Variants in NR2C2 observed in about 807,000 individuals in gnomAD.
NR2C2 encodes the protein Nuclear hormone receptor TR4.
A neutral mutation model predicts 62.9 loss-of-function variants in NR2C2; 6 were observed. That is an observed-to-expected ratio of 0.10 (90% CI 0.05 to 0.19). The LOEUF (loss-of-function observed/expected upper bound fraction) is 0.19. Ranked by LOEUF, NR2C2 falls within the 10% of genes least tolerant of loss-of-function variation. The pLI is 1.00. For synonymous variants in NR2C2, 272 were observed against 273.8 expected, an observed-to-expected ratio of 0.99 and a Z score of 0.07; for missense variants, 479 against 762.7, an observed-to-expected ratio of 0.63 and a Z score of 4.38.
intron 9 of NR2C2, among the ~76,000 whole-genome samples, chr3:15,030,785 G>A (rs1178898842): frequency 6.6e-6 from 1 of 152,144 alleles, no homozygotes; most frequent in African/African-American, 2.4e-5. Context: ...CCAAGATCAT[G>A]CCACTGCACT....
At chr3:15,009,568 T>TA (rs1271309504) in intron 2 of NR2C2, among the ~76,000 whole-genome samples, 1 of 152,200 alleles carries the variant, frequency 6.6e-6, no homozygotes, top group Non-Finnish European at 1.5e-5. Flanking sequence ...TTGAGGGCCT[T>TA]AAAAATCACA....
chr3:15,033,648 T>TTTC (rs1427017863), intron 10 of NR2C2, among the ~76,000 whole-genome samples: 1 of 149,444 alleles, frequency 6.7e-6, no homozygotes, highest in Non-Finnish European at 1.5e-5. Context: ...GCTTTTTTTT[T>TTTC]TTTTTTTTTT....
At chr3:15,038,449 T>G (rs2042163435) in intron 12 of NR2C2, 1 of 221,988 alleles carries the variant, frequency 4.5e-6, no homozygotes, top group Non-Finnish European at 8.8e-6. Context: ...TGTCCTTTCT[T>G]TTTTTTCCGG....
chr3:15,038,164 C>A lies in NR2C2; in HGVS notation c.1510+27C>A, dbSNP rs542730604. 5.9e-5 allele frequency: 93 copies of A among 1,588,842 alleles called. No individual in the cohort carries two copies. In the South Asian group the frequency reaches 9.7e-4, roughly 17 times the overall value. On this transcript the variant is annotated intron_variant, in intron 12 of 13. Transcript: ENST00000425241. ...TAAGATATGCGGTGGGGATGCATGA[C>A]CCCTTTCCACCTGTATCTACTGATG... is the stretch of plus-strand genomic sequence containing the variant.
intron 1 of NR2C2, among the ~76,000 whole-genome samples, chr3:14,964,632 A>C (rs2039788051): frequency 6.6e-6 from 1 of 151,340 alleles, no homozygotes. Flanking sequence ...CTCCTGCTTC[A>C]GCCTCCCGAA....
At chr3:15,032,024 C>T (rs1252582219) in intron 9 of NR2C2, among the ~76,000 whole-genome samples, 5 of 152,088 alleles carry the variant, frequency 3.3e-5, no homozygotes, top group African/African-American at 1.2e-4. Context: ...CCACCCGCAC[C>T]TGGCCCCTGT....
chr3:14,948,880 G>A lies in NR2C2; in HGVS notation c.-40+974G>A, dbSNP rs1262433741. On this transcript the variant is annotated intron_variant, in intron 1 of 13. Transcript: ENST00000425241. ...TATCGACTGTAAATGGGGGGCATGCGCATTCTTGCCAGGCCGGACCTCCCT... is the reference window on the plus strand; with the variant it reads ...TATCGACTGTAAATGGGGGGCATGCACATTCTTGCCAGGCCGGACCTCCCT... 6.6e-5 allele frequency among the ~76,000 whole-genome samples: 10 copies of A among 152,286 alleles called. No individual in the cohort carries two copies. In the East Asian group the frequency reaches 1.4e-3, roughly 21 times the overall value.
chr3:14,951,865 C>T (rs950069525), intron 1 of NR2C2, among the ~76,000 whole-genome samples: 2 of 152,058 alleles, frequency 1.3e-5, no homozygotes, highest in African/African-American at 4.8e-5. Context: ...CTTCTGCCTC[C>T]GCCTCCCCAG....
chr3:14,993,778 C>G (rs113018541), intron 1 of NR2C2, among the ~76,000 whole-genome samples: 4 of 152,170 alleles, frequency 2.6e-5, no homozygotes, highest in African/African-American at 9.7e-5. Context: ...GAGCCCATTG[C>G]CAGTGTGACC....
rs1454943322 is a variant in NR2C2 at position 15,032,366 on chromosome 3, T to G, written c.1111-13T>G. The stretch of plus-strand genomic sequence containing the variant: ...TCCTTCACCTCCTGTGCCATGTGCC[T>G]CCTCTTTTCCAGCTAACAATGCCCA... On this transcript the variant is annotated splice_polypyrimidine_tract_variant and intron_variant, in intron 9 of 13. Transcript: ENST00000425241. 2.5e-6 allele frequency: 4 copies of G among 1,614,178 alleles called. No individual in the cohort carries two copies. The highest frequency in any genetic ancestry group is 4.5e-5 in the East Asian group (2 of 44,892).
intron 1 of NR2C2, among the ~76,000 whole-genome samples, chr3:14,980,606 A>T: frequency 6.6e-6 from 1 of 152,240 alleles, no homozygotes; most frequent in Non-Finnish European, 1.5e-5. Context: ...CAGAGAACTA[A>T]CAAAAATAAT....
At chr3:14,965,706 A>G (rs1190139948) in intron 1 of NR2C2, among the ~76,000 whole-genome samples, 1 of 151,838 alleles carries the variant, frequency 6.6e-6, no homozygotes, top group Non-Finnish European at 1.5e-5. Flanking sequence ...TTGTTGCCCA[A>G]GCTGTGGAGT....
intron 13 of NR2C2, among the ~76,000 whole-genome samples, chr3:15,042,123 T>C (rs906958690): frequency 6.6e-6 from 1 of 152,190 alleles, no homozygotes. Context: ...CTCCACTTGC[T>C]CACCTGAGAT....
At chr3:14,981,385 C>G (rs150435213) in intron 1 of NR2C2, among the ~76,000 whole-genome samples, 1 of 152,164 alleles carries the variant, frequency 6.6e-6, no homozygotes, top group East Asian at 1.9e-4. Flanking sequence ...GAGTGGATCA[C>G]AAGGTCAGGA....
intron 1 of NR2C2, among the ~76,000 whole-genome samples, chr3:14,968,463 A>G (rs977006464): frequency 7.2e-5 from 11 of 151,802 alleles, no homozygotes; most frequent in Admixed American, 6.6e-5. Flanking sequence ...TAGAATGGCA[A>G]TCATTAAAAA....
Position 15,049,010 on chromosome 3 carries a change from A to C in NR2C2, c.*6002A>C, listed in dbSNP as rs913311561. The stretch of plus-strand genomic sequence containing the variant: ...CCTGTTGAAAGCTGCAGCTTTATAC[A>C]GCTTTCTTCTCCCTGTGAAATCACT... On this transcript the variant is annotated 3_prime_UTR_variant, in exon 14 of 14. Coordinates refer to ENST00000425241, the MANE Select transcript of NR2C2 (RefSeq NM_001291694.2). The C allele has an allele frequency of 6.6e-6, 1 of 152,662 alleles. No homozygotes were observed. The highest frequency in any genetic ancestry group is 1.5e-5 in the Non-Finnish European group (1 of 68,038). The allele number at this position is 152,662 out of a possible 1,614,324, so 9.5% of individuals were successfully genotyped here.
chr3:14,965,708 C>T (rs537413310), intron 1 of NR2C2, among the ~76,000 whole-genome samples: 40 of 151,966 alleles, frequency 2.6e-4, no homozygotes, highest in African/African-American at 9.4e-4. Flanking sequence ...GTTGCCCAAG[C>T]TGTGGAGTGC....
At chr3:15,002,604 C>G (rs1214344493) in intron 1 of NR2C2, among the ~76,000 whole-genome samples, 1 of 99,392 alleles carries the variant, frequency 1.0e-5, no homozygotes, top group Non-Finnish European at 2.1e-5. Context: ...GTGTTTTCTT[C>G]TAATTTTAGG....
chr3:15,016,205 G>T lies in NR2C2; in HGVS notation c.327G>T (p.Gln109His), dbSNP rs149174256. ...GTTTACTGGGGAAGACGGACGTCCA[G>T]CGGCCCCAGGTGGTAGAGTACTGTG... Reference protein sequence around the residue: ...VERLLGKTDVQRPQVVEYCVV... With the variant: ...VERLLGKTDVHRPQVVEYCVV... The change falls in exon 4 of 14, where the codon CAG becomes CAT. Residue 109 changes from glutamine to histidine, a missense_variant. By Grantham distance (24) the Gln-to-His change is conservative (BLOSUM62 0). Transcript: ENST00000425241. The T allele has an allele frequency of 5.0e-6, 8 of 1,614,134 alleles. No individual in the cohort carries two copies. The highest frequency in any genetic ancestry group is 6.8e-6 in the Non-Finnish European group (8 of 1,180,008).
Sources: allele counts gnomAD v4.1 joint callset (sites outside exome capture counted in the v4.1 genomes callset), GRCh38; gene constraint gnomAD v4.1.1; transcripts MANE v1.5; gene names NCBI Gene and HGNC (gene_info 2026-07-23, HGNC 2026-07-21).